Variants in MAGI2 observed in about 807,000 individuals in gnomAD.
MAGI2 encodes membrane associated guanylate kinase, WW and PDZ domain containing 2.
MAGI2 carries 35 observed loss-of-function variants against 133.3 expected under a neutral mutation model. The ratio of observed to expected loss-of-function variants is 0.26; its 90% CI spans 0.20 to 0.35. MAGI2 has a LOEUF of 0.35. Among genes scored for constraint, MAGI2 ranks in the 10% least tolerant of loss-of-function variants. The pLI is 1.00. For missense variants in MAGI2, 1,636 were observed against 1,863.4 expected (o/e 0.88, Z 2.25); for synonymous variants, 729 against 710.6 (o/e 1.03, Z -0.41).
intron 10 of MAGI2, chr7:78,251,529 C>T (rs1792380705): frequency 6.6e-6 from 1 of 152,090 alleles, no homozygotes; most frequent in South Asian, 2.1e-4. Flanking sequence ...AATAAAATTG[C>T]AGTGTACGAA....
chr7:78,474,080 G>GT (rs1250936378), intron 6 of MAGI2, among the ~76,000 whole-genome samples: 1 of 151,900 alleles, frequency 6.6e-6, no homozygotes, highest in Non-Finnish European at 1.5e-5. Flanking sequence ...ATTAACCGGT[G>GT]TGTTTTAGGC....
intron 2 of MAGI2, among the ~76,000 whole-genome samples, chr7:78,881,089 A>G (rs1340551159): frequency 6.6e-6 from 1 of 152,216 alleles, no homozygotes; most frequent in African/African-American, 2.4e-5. Context: ...TTCTAGACCT[A>G]CAAGAAGACT....
chr7:78,599,012 T>C (rs931802196), intron 3 of MAGI2, among the ~76,000 whole-genome samples: 1 of 152,074 alleles, frequency 6.6e-6, no homozygotes, highest in East Asian at 1.9e-4. Context: ...AAAAGATAGA[T>C]TGTGTATAAT....
chr7:79,325,313 G>A (rs939474838), intron 1 of MAGI2, among the ~76,000 whole-genome samples: 12 of 152,026 alleles, frequency 7.9e-5, no homozygotes, highest in African/African-American at 2.2e-4. Context: ...GCTCATGCTC[G>A]TGCCTGGAAT....
intron 2 of MAGI2, among the ~76,000 whole-genome samples, chr7:78,880,236 A>G (rs957402790): frequency 6.6e-6 from 1 of 152,194 alleles, no homozygotes; most frequent in Non-Finnish European, 1.5e-5. Context: ...ATTGTGATAT[A>G]CTATACAAAA....
chr7:79,214,664 A>T (rs1343920169), intron 1 of MAGI2, among the ~76,000 whole-genome samples: 1 of 140,554 alleles, frequency 7.1e-6, no homozygotes, highest in Non-Finnish European at 1.5e-5. Flanking sequence ...TATATTTATA[A>T]TTATGAAATA....
At chr7:78,525,463 G>A (rs1796868325) in intron 3 of MAGI2, among the ~76,000 whole-genome samples, 2 of 152,098 alleles carry the variant, frequency 1.3e-5, no homozygotes, top group South Asian at 4.1e-4. Flanking sequence ...AGGATAAAAT[G>A]TGCCTTTTAG....
chr7:79,239,412 A>G (rs1832202744), intron 1 of MAGI2, among the ~76,000 whole-genome samples: 1 of 152,196 alleles, frequency 6.6e-6, no homozygotes, highest in African/African-American at 2.4e-5. Flanking sequence ...CAGGGAAGGG[A>G]GGTGCCGTAT....
At chr7:78,470,098 G>C (rs773304190) in intron 6 of MAGI2, among the ~76,000 whole-genome samples, 4 of 152,062 alleles carry the variant, frequency 2.6e-5, no homozygotes, top group African/African-American at 4.8e-5. Context: ...CTTTCTCACT[G>C]TCAAGTTGAA....
chr7:78,777,317 T>G (rs1432622485), intron 2 of MAGI2, among the ~76,000 whole-genome samples: 2 of 152,220 alleles, frequency 1.3e-5, no homozygotes, highest in African/African-American at 4.8e-5. Flanking sequence ...CCTAGCTGTG[T>G]GGTACCACAT....
At chr7:79,363,155 T>C (rs1842467420) in intron 1 of MAGI2, among the ~76,000 whole-genome samples, 1 of 151,388 alleles carries the variant, frequency 6.6e-6, no homozygotes, top group Non-Finnish European at 1.5e-5. Flanking sequence ...ATACGAACAA[T>C]AAACACTGAA....
intron 2 of MAGI2, among the ~76,000 whole-genome samples, chr7:78,719,286 T>C (rs1226530317): frequency 6.6e-6 from 1 of 152,204 alleles, no homozygotes; most frequent in East Asian, 1.9e-4. Context: ...AAATACTGCA[T>C]GTCCAAATAA....
chr7:78,019,424 C>T lies in MAGI2; in HGVS notation c.4259G>A (p.Gly1420Glu), dbSNP rs1405463982. ...AGPRPGPRPP[G>E]GAPARKAAVA... ...GGCGGCCTTGCGCGCCGGGGCGCCC[C>T]CCGGGGGTCGCGGGCCCGGCCGGGG... is the stretch of plus-strand genomic sequence containing the variant. Residue 1420 changes from glycine to glutamate, a missense_variant, in exon 22 of 22, where the codon GGG (glycine) becomes GAG (glutamate). Physicochemically the swap from Gly to Glu is moderately conservative, Grantham distance 98. Coordinates refer to ENST00000354212, the MANE Select transcript of MAGI2 (RefSeq NM_012301.4). 6.5e-6 allele frequency: 7 copies of T among 1,077,274 alleles called. No individual in the cohort carries two copies. The highest frequency in any genetic ancestry group is 3.4e-5 in the African/African-American group (2 of 59,078). The allele number at this position is 1,077,274 out of a possible 1,614,324, so 66.7% of individuals were successfully genotyped here.
At chr7:78,381,192 CA>C (rs1794891128) in intron 6 of MAGI2, among the ~76,000 whole-genome samples, 1 of 152,010 alleles carries the variant, frequency 6.6e-6, no homozygotes, top group Admixed American at 6.6e-5. Context: ...ACTAAAAATA[CA>C]AAAATTAGCT....
chr7:79,031,978 T>C (rs745578544), intron 1 of MAGI2, among the ~76,000 whole-genome samples: 1 of 152,140 alleles, frequency 6.6e-6, no homozygotes, highest in Non-Finnish European at 1.5e-5. Flanking sequence ...ACATAAACTA[T>C]TATGCAAACA....
intron 6 of MAGI2, among the ~76,000 whole-genome samples, chr7:78,461,838 G>T (rs1265714875): frequency 7.3e-6 from 1 of 137,858 alleles, no homozygotes; most frequent in Non-Finnish European, 1.5e-5. Context: ...TTGAACCCAG[G>T]AGGCAGAAGT....
intron 1 of MAGI2, among the ~76,000 whole-genome samples, chr7:79,101,389 G>A (rs983626584): frequency 4.6e-5 from 7 of 152,120 alleles, no homozygotes; most frequent in African/African-American, 1.7e-4. Context: ...AGTGATAAAA[G>A]TAAGAAGGGC....
intron 1 of MAGI2, among the ~76,000 whole-genome samples, chr7:79,029,317 C>T (rs1380518713): frequency 1.3e-5 from 2 of 152,016 alleles, no homozygotes; most frequent in Admixed American, 1.3e-4. Flanking sequence ...CTATCAATTT[C>T]ATTAATAATT....
chr7:78,685,650 ATGTG>A (rs71827520), intron 2 of MAGI2, among the ~76,000 whole-genome samples: 12,001 of 151,004 alleles, frequency 0.079, 1,237 homozygotes, highest in East Asian at 0.53. Flanking sequence ...CTATATATAT[ATGTG>A]TGTGTGTGTG....
Sources: gnomAD v4.1 joint callset for allele counts (sites outside exome capture counted in the v4.1 genomes callset) on GRCh38, gnomAD v4.1.1 for gene constraint, MANE v1.5 for transcripts, NCBI Gene and HGNC (gene_info 2026-07-23, HGNC 2026-07-21) for gene names.